Variants in ARL15 observed in about 807,000 individuals in gnomAD.
The protein encoded by ARL15 is ADP-ribosylation factor-like protein 15.
In ARL15, 19 loss-of-function variants were observed where a neutral mutation model predicts 25.2. The ratio of observed to expected loss-of-function variants is 0.75; its 90% CI spans 0.53 to 1.10. The LOEUF (loss-of-function observed/expected upper bound fraction) is 1.10, where lower values mean the gene tolerates loss of function less well. Ranked by LOEUF, ARL15 falls within the 50% of genes least tolerant of loss-of-function variation. The pLI is 0.00. For synonymous variants in ARL15, 94 were observed against 86.8 expected, an observed-to-expected ratio of 1.08 and a Z score of -0.46; for missense variants, 220 against 246.0, an observed-to-expected ratio of 0.89 and a Z score of 0.71.
At chr5:53,919,174 A>G (rs1745761975) in intron 4 of ARL15, among the ~76,000 whole-genome samples, 3 of 152,218 alleles carry the variant, frequency 2.0e-5, no homozygotes, top group African/African-American at 7.2e-5. Flanking sequence ...ATCAGCAGTC[A>G]TACAGTTTTC....
At chr5:54,098,256 T>C (rs1341723003) in intron 4 of ARL15, among the ~76,000 whole-genome samples, 1 of 152,156 alleles carries the variant, frequency 6.6e-6, no homozygotes, top group Non-Finnish European at 1.5e-5. Flanking sequence ...GGATTTTCAA[T>C]GCTGCAATTT....
At chr5:54,267,601 T>A (rs1240431790) in intron 1 of ARL15, among the ~76,000 whole-genome samples, 1 of 152,058 alleles carries the variant, frequency 6.6e-6, no homozygotes, top group Non-Finnish European at 1.5e-5. Flanking sequence ...GATAAAAATC[T>A]CTCTAGGTAT....
intron 3 of ARL15, among the ~76,000 whole-genome samples, chr5:54,114,001 T>C (rs1010803088): frequency 4.6e-5 from 7 of 152,208 alleles, no homozygotes; most frequent in Admixed American, 6.5e-5. Flanking sequence ...ATGATTCTGT[T>C]TGGCTTCATA....
At position 53,927,497 on chromosome 5, in the gene ARL15, A is replaced by G. The variant is rs370034658; in HGVS notation, c.463-40784T>C. Among the ~76,000 whole-genome samples the G allele has an allele frequency of 7.9e-5, 12 of 152,238 alleles. No individual in the cohort carries two copies. The South Asian group carries it at 8.3e-4, about 11-fold the overall frequency. ...CCCTGGGTCCCAATTCACCTCCTCT[A>G]CAATCACCTCTTGAAGCCTTTGGAA... On this transcript the variant is annotated intron_variant, in intron 4 of 4. Coordinates refer to ENST00000504924, the MANE Select transcript of ARL15 (RefSeq NM_019087.3).
At chr5:54,063,355 C>T (rs1400275903) in intron 4 of ARL15, among the ~76,000 whole-genome samples, 1 of 152,178 alleles carries the variant, frequency 6.6e-6, no homozygotes, top group Admixed American at 6.5e-5. Flanking sequence ...TTTAGAGAAA[C>T]CAATGAACTT....
intron 4 of ARL15, among the ~76,000 whole-genome samples, chr5:54,015,006 A>G (rs1268192028): frequency 1.3e-5 from 2 of 151,846 alleles, no homozygotes; most frequent in Non-Finnish European, 2.9e-5. Context: ...ATATTCCTAA[A>G]CCCAGGCCAG....
intron 1 of ARL15, among the ~76,000 whole-genome samples, chr5:54,254,877 G>A (rs1757325337): frequency 6.6e-6 from 1 of 152,220 alleles, no homozygotes; most frequent in Non-Finnish European, 1.5e-5. Flanking sequence ...TTGCATTAGA[G>A]CAACTGTGCT....
intron 4 of ARL15, among the ~76,000 whole-genome samples, chr5:54,104,388 T>C (rs1428116034): frequency 1.3e-5 from 2 of 152,218 alleles, no homozygotes; most frequent in Non-Finnish European, 2.9e-5. Context: ...CTTTCATACA[T>C]GCGCCTGTTA....
chr5:54,189,127 T>G (rs1382807265), intron 1 of ARL15, among the ~76,000 whole-genome samples: 2 of 152,074 alleles, frequency 1.3e-5, no homozygotes, highest in African/African-American at 4.8e-5. Context: ...GGTGAAAAGC[T>G]TGTACAATAA....
chr5:54,014,370 G>C (rs1315643276), intron 4 of ARL15, among the ~76,000 whole-genome samples: 3 of 152,110 alleles, frequency 2.0e-5, no homozygotes, highest in Non-Finnish European at 4.4e-5. Flanking sequence ...GACCAAGAAT[G>C]TAAGGACACC....
intron 1 of ARL15, among the ~76,000 whole-genome samples, chr5:54,185,283 T>C (rs546689622): frequency 2.5e-4 from 38 of 152,270 alleles, no homozygotes; most frequent in African/African-American, 9.1e-4. Context: ...CCTCACTATT[T>C]TCCTCTGGCT....
intron 1 of ARL15, among the ~76,000 whole-genome samples, chr5:54,211,467 CTTTTTTTTT>C (rs57554255): frequency 7.5e-5 from 9 of 119,628 alleles, no homozygotes; most frequent in Non-Finnish European, 1.5e-4. Flanking sequence ...AAATGAAACA[CTTTTTTTTT>C]TTTTTTTTTT....
intron 4 of ARL15, among the ~76,000 whole-genome samples, chr5:53,942,694 C>T (rs972012030): frequency 3.9e-5 from 6 of 152,088 alleles, no homozygotes; most frequent in African/African-American, 9.7e-5. Context: ...TGCAGTGAGC[C>T]GAGATCGCGC....
intron 1 of ARL15, among the ~76,000 whole-genome samples, chr5:54,176,514 C>A (rs1198480271): frequency 3.3e-5 from 5 of 152,170 alleles, no homozygotes; most frequent in Non-Finnish European, 4.4e-5. Flanking sequence ...TACCAAAGTT[C>A]ATTGTGTGTG....
intron 4 of ARL15, among the ~76,000 whole-genome samples, chr5:54,083,012 G>C (rs149453): frequency 0.54 from 82,681 of 151,936 alleles, 23,586 homozygotes; most frequent in Non-Finnish European, 0.63. Context: ...TCATATTTTA[G>C]AGTAAAAATA....
At chr5:54,242,152 TG>T (rs1362598308) in intron 1 of ARL15, among the ~76,000 whole-genome samples, 1 of 151,976 alleles carries the variant, frequency 6.6e-6, no homozygotes, top group Non-Finnish European at 1.5e-5. Flanking sequence ...ACTTTTAACC[TG>T]TACACGTACA....
chr5:54,012,378 T>C (rs957707065), intron 4 of ARL15, among the ~76,000 whole-genome samples: 4 of 152,162 alleles, frequency 2.6e-5, no homozygotes, highest in African/African-American at 9.7e-5. Context: ...GTTCCCTAGC[T>C]CTTATTTGGT....
chr5:54,246,260 C>G (rs565830329), intron 1 of ARL15, among the ~76,000 whole-genome samples: 6 of 152,100 alleles, frequency 3.9e-5, no homozygotes, highest in African/African-American at 1.2e-4. Flanking sequence ...CCTCTATGCG[C>G]CCTTATTCTG....
intron 4 of ARL15, among the ~76,000 whole-genome samples, chr5:53,931,728 A>T (rs1746200559): frequency 6.6e-6 from 1 of 152,216 alleles, no homozygotes; most frequent in African/African-American, 2.4e-5. Context: ...ACCCAACTAA[A>T]ACCAAACACA....
Sources: allele counts gnomAD v4.1 joint callset (sites outside exome capture counted in the v4.1 genomes callset), GRCh38; gene constraint gnomAD v4.1.1; transcripts MANE v1.5; gene names NCBI Gene and HGNC (gene_info 2026-07-23, HGNC 2026-07-21).